Variants in KRTAP1-1 observed in about 807,000 individuals in gnomAD.
KRTAP1-1 encodes the protein keratin associated protein 1-1.
A neutral mutation model predicts 14.1 loss-of-function variants in KRTAP1-1; 9 were observed. The ratio of observed to expected loss-of-function variants is 0.64; its 90% CI spans 0.39 to 1.12. KRTAP1-1 has a LOEUF of 1.12. KRTAP1-1 is among the 50% of genes most tolerant of loss of function. The probability of loss-of-function intolerance (pLI) is 0.01; values close to 1 mark genes in which losing one functional copy is unlikely to be tolerated. For missense variants in KRTAP1-1, 179 were observed against 230.9 expected (o/e 0.78, Z 1.46); for synonymous variants, 77 against 80.5 (o/e 0.96, Z 0.23).
chr17:41,040,623 T>C lies in KRTAP1-1; in HGVS notation c.*241A>G. 2.3e-6 allele frequency: 1 copy of C among 437,460 alleles called. No homozygotes were observed. The highest frequency in any genetic ancestry group is 3.8e-5 in the Admixed American group (1 of 26,216). 27.1% of individuals were successfully genotyped at this position (437,460 alleles called of 1,614,324 possible). On this transcript the variant is annotated 3_prime_UTR_variant, in exon 1 of 1. Coordinates refer to ENST00000306271, the MANE Select transcript of KRTAP1-1 (RefSeq NM_030967.3). ...ATAACTGTTGAAATATTTCAGGTGA[T>C]ATTTATAGTAAAATAGTATCTAACT...
Position 41,041,302 on chromosome 17 carries a change from G to A in KRTAP1-1, c.96C>T (p.Thr32=), listed in dbSNP as rs1259510748. 6.6e-7 allele frequency: 1 copy of A among 1,521,960 alleles called. No individual in the cohort carries two copies. The highest frequency in any genetic ancestry group is 8.7e-7 in the Non-Finnish European group (1 of 1,146,364). The allele number at this position is 1,521,960 out of a possible 1,614,324, so 94.3% of individuals were successfully genotyped here. Residue 32 remains threonine, a synonymous_variant, in exon 1 of 1, where the codon ACC becomes ACT. Transcript: ENST00000306271. ...SSCCQPSCCE[T]SSCQPRCCET... is the part of the protein sequence containing the mutation. Reference sequence around the variant, plus strand: ...CACAGCAGCGTGGCTGGCAGGAGCTGGTCTCACAGCAGCTTGGCTGGCAGC... The same window carrying A: ...CACAGCAGCGTGGCTGGCAGGAGCTAGTCTCACAGCAGCTTGGCTGGCAGC...
Position 41,041,373 on chromosome 17 carries a change from A to G in KRTAP1-1, c.25T>C (p.Cys9Arg). 1 of 1,542,562 alleles carries G rather than the reference A, an allele frequency of 6.5e-7. No individual in the cohort carries two copies. The highest frequency in any genetic ancestry group is 8.7e-7 in the Non-Finnish European group (1 of 1,154,402). The part of the protein sequence containing the change: MACCQTSF[C>R]GFPSCSTSGT... Reference sequence around the variant, plus strand: ...CTGGTGGAGCAGCTGGGAAATCCACAGAAGCTGGTCTGACAGCAGGCCATG... The same window carrying G: ...CTGGTGGAGCAGCTGGGAAATCCACGGAAGCTGGTCTGACAGCAGGCCATG... The change falls in exon 1 of 1, where the codon TGT (cysteine) becomes CGT (arginine). Residue 9 changes from cysteine (C) to arginine (R), a missense_variant. By Grantham distance (180) the Cys-to-Arg change is radical. Coordinates refer to ENST00000306271, the MANE Select transcript of KRTAP1-1 (RefSeq NM_030967.3).
chr17:41,041,208 C>G lies in KRTAP1-1; in HGVS notation c.190G>C (p.Gly64Arg), dbSNP rs910353621. ...FCGFPSFSTGGTCDSSCCQPS... is the reference protein window; with the variant it reads ...FCGFPSFSTGRTCDSSCCQPS... ...TGGCAGCAGCTAGAGTCACAAGTCC[C>G]ACCGGTTGAGAAGCTAGGAAATCCA... Residue 64 changes from glycine to arginine, a missense_variant, in exon 1 of 1, where the codon GGG becomes CGG. Gly to Arg is a moderately radical substitution (Grantham distance 125). Coordinates refer to ENST00000306271, the MANE Select transcript of KRTAP1-1 (RefSeq NM_030967.3). 1.2e-6 allele frequency: 2 copies of G among 1,601,858 alleles called. No individual in the cohort carries two copies. The highest frequency in any genetic ancestry group is 2.7e-5 in the African/African-American group (2 of 74,406).
chr17:41,040,974 A>G lies in KRTAP1-1; in HGVS notation c.424T>C (p.Ser142Pro). The part of the protein sequence containing the change: ...PCCVVSCTPP[S>P]CCQLHHAEAS... ...TCGGCGTGGTGCAGCTGGCAGCAGGATGGGGGTGTGCAGCTCACCACGCAG... is the reference window on the plus strand; with the variant it reads ...TCGGCGTGGTGCAGCTGGCAGCAGGGTGGGGGTGTGCAGCTCACCACGCAG... Residue 142 changes from serine (S) to proline (P), a missense_variant, in exon 1 of 1, where the codon TCC becomes CCC. Physicochemically the swap from Ser to Pro is moderately conservative, Grantham distance 74. Transcript: ENST00000306271. 6.2e-7 allele frequency: 1 copy of G among 1,604,676 alleles called. No homozygotes were observed.
Position 41,040,876 on chromosome 17 carries a change from C to A in KRTAP1-1, c.522G>T (p.Glu174Asp), listed in dbSNP as rs1283150997. The A allele has an allele frequency of 6.3e-7, 1 of 1,583,104 alleles. No homozygotes were observed. The stretch of plus-strand genomic sequence containing the variant: ...CAGAAGGAGGTTTTCAACAAGTGGG[C>A]TCAGAGCAGTAGCAGCAGCAGACTG... The part of the protein sequence containing the change: ...CRPVCCCYCS[E>D]PTC The change falls in exon 1 of 1, where the codon GAG becomes GAT. Residue 174 changes from glutamate to aspartate, a missense_variant. Physicochemically the swap from Glu to Asp is conservative, Grantham distance 45. Coordinates refer to ENST00000306271, the MANE Select transcript of KRTAP1-1 (RefSeq NM_030967.3).
At position 41,041,314 on chromosome 17, in the gene KRTAP1-1, G is replaced by C; in HGVS notation, c.84C>G (p.Ser28Arg). 1 of 1,536,626 alleles carries C rather than the reference G, an allele frequency of 6.5e-7. No individual in the cohort carries two copies. The highest frequency in any genetic ancestry group is 8.7e-7 in the Non-Finnish European group (1 of 1,151,396). The change falls in exon 1 of 1, where the codon AGC (serine) becomes AGG (arginine). Residue 28 changes from serine to arginine, a missense_variant. Coordinates refer to ENST00000306271, the MANE Select transcript of KRTAP1-1 (RefSeq NM_030967.3). ...GCTGGCAGGAGCTGGTCTCACAGCA[G>C]CTTGGCTGGCAGCAGCTGGAGCCGC... ...GTCGSSCCQP[S>R]CCETSSCQPR...
Position 41,040,741 on chromosome 17 carries a change from G to A in KRTAP1-1, c.*123C>T, listed in dbSNP as rs1420585366. ...TGAATTTACTTCCTAGGGAATTTAT[G>A]TGGCTGTGTGATGAGAGGTTGCAAG... On this transcript the variant is annotated 3_prime_UTR_variant, in exon 1 of 1. Transcript: ENST00000306271. 1 of 1,136,286 alleles carries A rather than the reference G, an allele frequency of 8.8e-7. No homozygotes were observed. The highest frequency in any genetic ancestry group is 1.2e-6 in the Non-Finnish European group (1 of 823,766). The allele number at this position is 1,136,286 out of a possible 1,614,324, so 70.4% of individuals were successfully genotyped here.
Position 41,040,828 on chromosome 17 carries a change from T to C in KRTAP1-1, c.*36A>G. The C allele has an allele frequency of 6.5e-7, 1 of 1,533,940 alleles. No homozygotes were observed. The highest frequency in any genetic ancestry group is 1.4e-5 in the African/African-American group (1 of 72,850). On this transcript the variant is annotated 3_prime_UTR_variant, in exon 1 of 1. Transcript: ENST00000306271. ...GATTCTAATTTGGCTAGTTTTAAGG[T>C]GCCATCTTATCAGGATCCCCAGCAG...
In KRTAP1-1 at chr17:41,041,309, C is replaced by G; in HGVS notation, c.89G>C (p.Cys30Ser). Reference sequence around the variant, plus strand: ...GCGTGGCTGGCAGGAGCTGGTCTCACAGCAGCTTGGCTGGCAGCAGCTGGA... The same window carrying G: ...GCGTGGCTGGCAGGAGCTGGTCTCAGAGCAGCTTGGCTGGCAGCAGCTGGA... ...CGSSCCQPSC[C>S]ETSSCQPRCC... Residue 30 changes from cysteine (C) to serine (S), a missense_variant, in exon 1 of 1, where the codon TGT becomes TCT. Physicochemically the swap from Cys to Ser is moderately radical, Grantham distance 112. Coordinates refer to ENST00000306271, the MANE Select transcript of KRTAP1-1 (RefSeq NM_030967.3). The G allele has an allele frequency of 6.5e-7, 1 of 1,532,730 alleles. No individual in the cohort carries two copies. The highest frequency in any genetic ancestry group is 1.6e-5 in the African/African-American group (1 of 61,864). The allele number at this position is 1,532,730 out of a possible 1,614,324, so 94.9% of individuals were successfully genotyped here. A position where few individuals can be genotyped will look rare whatever the true frequency, so the allele number is the denominator to read the frequency against.
rs755932978 is a variant in KRTAP1-1, at chr17:41,040,942, G to A, written c.456C>T (p.Ser152=). Residue 152 remains serine, a synonymous_variant, in exon 1 of 1, where the codon TCC becomes TCT. Transcript: ENST00000306271. ...GTCCACAGTAGGATGGGCGGCAGCAGGAGGCCTCGGCGTGGTGCAGCTGGC... is the reference window on the plus strand; with the variant it reads ...GTCCACAGTAGGATGGGCGGCAGCAAGAGGCCTCGGCGTGGTGCAGCTGGC... ...SCCQLHHAEA[S]CCRPSYCGQS... is the part of the protein sequence containing the mutation. The A allele has an allele frequency of 5.0e-6, 8 of 1,613,078 alleles. No homozygotes were observed. Among genetic ancestry groups the A allele is most frequent in the East Asian group, 4.5e-5 (2 of 44,872 alleles).
Position 41,041,022 on chromosome 17 carries a change from C to A in KRTAP1-1, c.376G>T (p.Glu126Ter). The A allele has an allele frequency of 6.2e-7, 1 of 1,613,858 alleles. No homozygotes were observed. Among genetic ancestry groups the A allele is most frequent in the Non-Finnish European group, 8.5e-7 (1 of 1,180,032 alleles). ...IRWCRPDCRV[E>*]GTCLPPCCVV... ...CAGCAGGGGGGCAGGCAGGTACCCT[C>A]CACACGGCAGTCTGGGCGGCACCAC... Residue 126 changes from glutamate to a stop codon, truncating the protein, a stop_gained, in exon 1 of 1, where the codon GAG becomes TAG. Transcript: ENST00000306271. LOFTEE classifies it high-confidence loss of function.
rs750079912 is a variant in KRTAP1-1, at chr17:41,041,013, A to C, written c.385T>G (p.Cys129Gly). Residue 129 changes from cysteine (C) to glycine (G), a missense_variant, in exon 1 of 1, where the codon TGC becomes GGC. By Grantham distance (159) the Cys-to-Gly change is radical (BLOSUM62 -3). Coordinates refer to ENST00000306271, the MANE Select transcript of KRTAP1-1 (RefSeq NM_030967.3). ...CRPDCRVEGT[C>G]LPPCCVVSCT... ...CTCACCACGCAGCAGGGGGGCAGGC[A>C]GGTACCCTCCACACGGCAGTCTGGG... The C allele has an allele frequency of 6.2e-7, 1 of 1,613,870 alleles. No individual in the cohort carries two copies. The highest frequency in any genetic ancestry group is 1.1e-5 in the South Asian group (1 of 91,054).
chr17:41,041,214 T>C lies in KRTAP1-1; in HGVS notation c.184A>G (p.Thr62Ala), dbSNP rs778972076. ...CAGCTAGAGTCACAAGTCCCACCGG[T>C]TGAGAAGCTAGGAAATCCACAGAAG... ...TSFCGFPSFS[T>A]GGTCDSSCCQ... The change falls in exon 1 of 1, where the codon ACC becomes GCC. Residue 62 changes from threonine (T) to alanine (A), a missense_variant. Coordinates refer to ENST00000306271, the MANE Select transcript of KRTAP1-1 (RefSeq NM_030967.3). The C allele has an allele frequency of 7.5e-6, 12 of 1,593,168 alleles. No homozygotes were observed. The Admixed American group carries it at 8.7e-5, about 12-fold the overall frequency.
rs374138986 is a variant in KRTAP1-1 at position 41,041,028 on chromosome 17, G to A, written c.370C>T (p.Arg124Cys). The change falls in exon 1 of 1, where the codon CGT becomes TGT. Residue 124 changes from arginine (R) to cysteine (C), a missense_variant. By Grantham distance (180) the Arg-to-Cys change is radical. Transcript: ENST00000306271. Reference sequence around the variant, plus strand: ...GGGGGCAGGCAGGTACCCTCCACACGGCAGTCTGGGCGGCACCACCTGATA... The same window carrying A: ...GGGGGCAGGCAGGTACCCTCCACACAGCAGTCTGGGCGGCACCACCTGATA... ...TRIRWCRPDC[R>C]VEGTCLPPCC... 6.3e-5 allele frequency: 102 copies of A among 1,613,674 alleles called. No individual in the cohort carries two copies. The highest frequency in any genetic ancestry group is 1.9e-4 in the African/African-American group (14 of 74,918).
In KRTAP1-1 at chr17:41,041,207, C is replaced by G. The variant is rs1055070330; in HGVS notation, c.191G>C (p.Gly64Ala). 1 of 1,602,428 alleles carries G rather than the reference C, an allele frequency of 6.2e-7. No homozygotes were observed. Among genetic ancestry groups the G allele is most frequent in the Non-Finnish European group, 8.5e-7 (1 of 1,173,760 alleles). ...CTGGCAGCAGCTAGAGTCACAAGTC[C>G]CACCGGTTGAGAAGCTAGGAAATCC... Reference protein sequence around the residue: ...FCGFPSFSTGGTCDSSCCQPS... With the variant: ...FCGFPSFSTGATCDSSCCQPS... The change falls in exon 1 of 1, where the codon GGG becomes GCG. Residue 64 changes from glycine to alanine, a missense_variant. Coordinates refer to ENST00000306271, the MANE Select transcript of KRTAP1-1 (RefSeq NM_030967.3).
Position 41,041,406 on chromosome 17 carries a change from G to A in KRTAP1-1, c.-9C>T, listed in dbSNP as rs375829903. Reference sequence around the variant, plus strand: ...GTCTGACAGCAGGCCATGGTGTCAGGAGTTGATCTGAAGGTTGGGTTGCTT... The same window carrying A: ...GTCTGACAGCAGGCCATGGTGTCAGAAGTTGATCTGAAGGTTGGGTTGCTT... On this transcript the variant is annotated 5_prime_UTR_variant, in exon 1 of 1. Coordinates refer to ENST00000306271, the MANE Select transcript of KRTAP1-1 (RefSeq NM_030967.3). 2.4e-4 allele frequency: 394 copies of A among 1,612,324 alleles called. No individual in the cohort carries two copies. The highest frequency in any genetic ancestry group is 3.2e-4 in the Non-Finnish European group (378 of 1,178,672).
At position 41,040,996 on chromosome 17, in the gene KRTAP1-1, G is replaced by C. The variant is rs570985299; in HGVS notation, c.402C>G (p.Cys134Trp). ...RVEGTCLPPCCVVSCTPPSCC... is the reference protein window; with the variant it reads ...RVEGTCLPPCWVVSCTPPSCC... ...AGGATGGGGGTGTGCAGCTCACCAC[G>C]CAGCAGGGGGGCAGGCAGGTACCCT... Residue 134 changes from cysteine to tryptophan, a missense_variant, in exon 1 of 1, where the codon TGC becomes TGG. Physicochemically the swap from Cys to Trp is radical, Grantham distance 215. Transcript: ENST00000306271. The C allele has an allele frequency of 1.9e-6, 3 of 1,598,452 alleles. No homozygotes were observed. In the African/African-American group the frequency reaches 4.2e-5, roughly 23 times the overall value.
Position 41,040,838 on chromosome 17 carries a change from T to G in KRTAP1-1, c.*26A>C. 4.5e-6 allele frequency: 7 copies of G among 1,543,738 alleles called. No individual in the cohort carries two copies. Among genetic ancestry groups the G allele is most frequent in the Non-Finnish European group, 6.1e-6 (7 of 1,144,030 alleles). ...TGGCTAGTTTTAAGGTGCCATCTTATCAGGATCCCCAGCAGAAGGAGGTTT... is the reference window on the plus strand; with the variant it reads ...TGGCTAGTTTTAAGGTGCCATCTTAGCAGGATCCCCAGCAGAAGGAGGTTT... On this transcript the variant is annotated 3_prime_UTR_variant, in exon 1 of 1. Coordinates refer to ENST00000306271, the MANE Select transcript of KRTAP1-1 (RefSeq NM_030967.3).
Position 41,040,647 on chromosome 17 carries a change from C to G in KRTAP1-1, c.*217G>C, listed in dbSNP as rs997429505. ...ATATTTATAGTAAAATAGTATCTAA[C>G]TCTTTTCACATTGTAGGACTTTGGC... is the stretch of plus-strand genomic sequence containing the variant. On this transcript the variant is annotated 3_prime_UTR_variant, in exon 1 of 1. Transcript: ENST00000306271. 4.0e-6 allele frequency: 2 copies of G among 502,594 alleles called. No individual in the cohort carries two copies. The highest frequency in any genetic ancestry group is 7.0e-6 in the Non-Finnish European group (2 of 285,728). 31.1% of individuals were successfully genotyped at this position (502,594 alleles called of 1,614,324 possible). A position where few individuals can be genotyped will look rare whatever the true frequency, so the allele number is the denominator to read the frequency against.
Sources: allele counts gnomAD v4.1 joint callset, GRCh38; gene constraint gnomAD v4.1.1; transcripts MANE v1.5; gene names NCBI Gene and HGNC (gene_info 2026-07-23, HGNC 2026-07-21).